Variants in LRRC7 observed in about 807,000 individuals in gnomAD.
LRRC7 encodes leucine-rich repeat-containing protein 7.
In LRRC7, 23 loss-of-function variants were observed where a neutral mutation model predicts 175.7. The ratio of observed to expected loss-of-function variants is 0.13; its 90% confidence interval spans 0.09 to 0.19. The LOEUF (loss-of-function observed/expected upper bound fraction) is 0.19. LRRC7 is among the 10% of genes least tolerant of loss of function. The probability of loss-of-function intolerance (pLI) is 1.00; values close to 1 mark genes in which losing one functional copy is unlikely to be tolerated. For missense variants in LRRC7, 1,354 were observed against 1,904.7 expected, an observed-to-expected ratio of 0.71 and a Z score of 5.38; for synonymous variants, 685 against 680.9, an observed-to-expected ratio of 1.01 and a Z score of -0.09.
chr1:70,032,086 C>A (rs1030352761), intron 18 of LRRC7, among the ~76,000 whole-genome samples: 1 of 152,134 alleles, frequency 6.6e-6, no homozygotes. Flanking sequence ...CGTGAGCCAC[C>A]GCTCCCGGCC....
At chr1:69,645,951 G>A (rs1654947322) in intron 1 of LRRC7, among the ~76,000 whole-genome samples, 1 of 151,980 alleles carries the variant, frequency 6.6e-6, no homozygotes, top group Admixed American at 6.6e-5. Flanking sequence ...CAAGGTCAAA[G>A]GCCATATTGT....
At chr1:69,600,949 T>TTACA (rs1046843414) in intron 1 of LRRC7, among the ~76,000 whole-genome samples, 11 of 146,126 alleles carry the variant, frequency 7.5e-5, no homozygotes, top group Non-Finnish European at 1.5e-4. Context: ...GTAGCTGGAA[T>TTACA]TACAGGCAGG....
intron 7 of LRRC7, among the ~76,000 whole-genome samples, chr1:69,892,207 A>T (rs899467187): frequency 6.6e-6 from 1 of 152,202 alleles, no homozygotes; most frequent in East Asian, 1.9e-4. Context: ...AGGCAGAGAA[A>T]ATAGTGGATG....
At chr1:69,702,958 A>G (rs1409978867) in intron 2 of LRRC7, among the ~76,000 whole-genome samples, 1 of 152,026 alleles carries the variant, frequency 6.6e-6, no homozygotes, top group African/African-American at 2.4e-5. Context: ...CTCTCCTAGG[A>G]TCAATTGCAG....
intron 26 of LRRC7, among the ~76,000 whole-genome samples, chr1:70,120,186 G>A (rs1243971065): frequency 6.6e-6 from 1 of 152,050 alleles, no homozygotes; most frequent in Non-Finnish European, 1.5e-5. Context: ...CGCAGAGCAA[G>A]AAATCTGAGC....
chr1:69,621,205 CG>C (rs1345110740), intron 1 of LRRC7, among the ~76,000 whole-genome samples: 1 of 151,846 alleles, frequency 6.6e-6, no homozygotes, highest in Admixed American at 6.6e-5. Context: ...CCACCATGCC[CG>C]GCTAATTTTT....
intron 11 of LRRC7, among the ~76,000 whole-genome samples, chr1:70,010,271 A>G (rs1656381224): frequency 6.6e-6 from 1 of 151,804 alleles, no homozygotes; most frequent in Non-Finnish European, 1.5e-5. Flanking sequence ...GTTTTAACAT[A>G]AAAAAGGATG....
chr1:69,856,534 A>G (rs1683649164), intron 7 of LRRC7, among the ~76,000 whole-genome samples: 1 of 152,182 alleles, frequency 6.6e-6, no homozygotes, highest in African/African-American at 2.4e-5. Context: ...GAATTCCTGG[A>G]CACATACACC....
chr1:69,706,108 A>ATGTC (rs1664006827), intron 2 of LRRC7, among the ~76,000 whole-genome samples: 1 of 152,150 alleles, frequency 6.6e-6, no homozygotes, highest in African/African-American at 2.4e-5. Context: ...ATTCAAGTTA[A>ATGTC]TGGCCTTGTC....
intron 8 of LRRC7, among the ~76,000 whole-genome samples, chr1:69,945,813 C>G (rs909323923): frequency 6.6e-6 from 1 of 152,020 alleles, no homozygotes; most frequent in Non-Finnish European, 1.5e-5. Context: ...TATAAAAACT[C>G]TATTAATTTT....
rs541751698 is a variant in LRRC7, at chr1:69,907,962, A to G, written c.648-23545A>G. 5.3e-5 allele frequency among the ~76,000 whole-genome samples: 8 copies of G among 152,268 alleles called. No homozygotes were observed. In the South Asian group the frequency reaches 1.7e-3, roughly 32 times the overall value. ...GAGGCTGTTATTGATCTATTCAGAGATTCAACTTCTTCCTGGTTTAGTCTT... is the reference window on the plus strand; with the variant it reads ...GAGGCTGTTATTGATCTATTCAGAGGTTCAACTTCTTCCTGGTTTAGTCTT... On this transcript the variant is annotated intron_variant, in intron 7 of 26. Coordinates refer to ENST00000651989, the MANE Select transcript of LRRC7 (RefSeq NM_001370785.2).
rs373995293 is a variant in LRRC7 at position 70,039,136 on chromosome 1, C to A, written c.3312C>A (p.Ile1104=). ...ACGTGCAACAGGCCAGCAAAAACAT[C>A]GCCAAGGATTTGATTAGTCCTAGAG... ...PEYVQQASKN[I]AKDLISPRAY... Residue 1104 remains isoleucine, a synonymous_variant, in exon 21 of 27, where the codon ATC becomes ATA. Transcript: ENST00000651989. The A allele has an allele frequency of 6.2e-7, 1 of 1,614,012 alleles. No individual in the cohort carries two copies. The highest frequency in any genetic ancestry group is 1.3e-5 in the African/African-American group (1 of 74,928).
chr1:69,790,780 T>C (rs1275221185), intron 3 of LRRC7, among the ~76,000 whole-genome samples: 1 of 151,942 alleles, frequency 6.6e-6, no homozygotes, highest in Admixed American at 6.6e-5. Context: ...AGTTCTCTTT[T>C]TGAGGTTTCA....
intron 2 of LRRC7, among the ~76,000 whole-genome samples, chr1:69,748,188 C>A (rs902710291): frequency 1.3e-5 from 2 of 152,114 alleles, no homozygotes; most frequent in Non-Finnish European, 2.9e-5. Context: ...CCATCATCAG[C>A]ATTAATTACA....
At chr1:69,653,150 AG>A (rs1444142120) in intron 1 of LRRC7, among the ~76,000 whole-genome samples, 4 of 152,152 alleles carry the variant, frequency 2.6e-5, no homozygotes, top group Non-Finnish European at 5.9e-5. Context: ...CAGAATAAAA[AG>A]GCAACTACAG....
At chr1:69,597,860 T>A (rs976164651) in intron 1 of LRRC7, among the ~76,000 whole-genome samples, 6 of 152,188 alleles carry the variant, frequency 3.9e-5, no homozygotes, top group Admixed American at 3.9e-4. Context: ...ATATGATAAT[T>A]TTCTTTGCAG....
At position 70,076,096 on chromosome 1, in the gene LRRC7, CGTT is replaced by C. The variant is rs1662754167; in HGVS notation, c.4252_4254del (p.Leu1418del). ...CCACAGGCAGGCAGCCACATCCAGA[CGTT>C]GATGGGGTCCCAAAGCCTTCAGCAT... On this transcript the variant is annotated inframe_deletion, in exon 24 of 27. Coordinates refer to ENST00000651989, the MANE Select transcript of LRRC7 (RefSeq NM_001370785.2). 1 of 1,613,568 alleles carries C rather than the reference CGTT, an allele frequency of 6.2e-7. No homozygotes were observed. Among genetic ancestry groups the C allele is most frequent in the Admixed American group, 1.7e-5 (1 of 59,980 alleles).
chr1:69,882,864 T>A (rs1490727465), intron 7 of LRRC7, among the ~76,000 whole-genome samples: 1 of 149,130 alleles, frequency 6.7e-6, no homozygotes, highest in Non-Finnish European at 1.5e-5. Context: ...ATATGCGGTG[T>A]TTGGTTTTTT....
intron 7 of LRRC7, among the ~76,000 whole-genome samples, chr1:69,873,231 G>A (rs1685730150): frequency 6.6e-6 from 1 of 151,962 alleles, no homozygotes; most frequent in Non-Finnish European, 1.5e-5. Context: ...TCGTCATCTG[G>A]CCCAATTCCA....
Sources: gnomAD v4.1 joint callset for allele counts (sites outside exome capture counted in the v4.1 genomes callset) on GRCh38, gnomAD v4.1.1 for gene constraint, MANE v1.5 for transcripts, NCBI Gene and HGNC (gene_info 2026-07-23, HGNC 2026-07-21) for gene names.